The following ETV6 variants were observed in gnomAD, a reference collection of about 807,000 sequenced individuals.
The protein encoded by ETV6 is transcription factor ETV6.
In ETV6, 16 loss-of-function variants were observed where a neutral mutation model predicts 51.1. The observed-to-expected ratio is 0.31, with a 90% confidence interval of 0.21 to 0.48. ETV6 has a LOEUF of 0.48. Ranked by LOEUF, ETV6 falls within the 20% of genes least tolerant of loss-of-function variation. The pLI, the probability that ETV6 is intolerant of heterozygous loss-of-function variation, is 0.99. For missense variants in ETV6, 458 were observed against 594.8 expected, an observed-to-expected ratio of 0.77 and a Z score of 2.39; for synonymous variants, 240 against 224.1, an observed-to-expected ratio of 1.07 and a Z score of -0.64.
chr12:11,719,947 A>G (rs1309599712), intron 1 of ETV6, among the ~76,000 whole-genome samples: 1 of 152,172 alleles, frequency 6.6e-6, no homozygotes, highest in Non-Finnish European at 1.5e-5. Flanking sequence ...GCTCTGAGTC[A>G]TCCGGGAAGG....
chr12:11,889,835 T>C (rs892603886), intron 7 of ETV6, among the ~76,000 whole-genome samples: 1 of 151,938 alleles, frequency 6.6e-6, no homozygotes, highest in African/African-American at 2.4e-5. Context: ...TGAGAGAAAA[T>C]GTAAGCTCTA....
In ETV6 at chr12:11,703,442, A is replaced by T. The variant is rs148100957; in HGVS notation, c.34-49008A>T. On this transcript the variant is annotated intron_variant, in intron 1 of 7. Transcript: ENST00000396373. ...AAGGAAAGGTTAGAGAAATTTGGGGATTAAAATGGACAGACTTTATCATCT... is the reference window on the plus strand; with the variant it reads ...AAGGAAAGGTTAGAGAAATTTGGGGTTTAAAATGGACAGACTTTATCATCT... 3.1e-3 allele frequency among the ~76,000 whole-genome samples: 474 copies of T among 152,184 alleles called. 6 individuals carry two copies. The highest frequency in any genetic ancestry group is 0.011 in the African/African-American group (444 of 41,514).
chr12:11,781,733 T>G (rs1316599690), intron 2 of ETV6, among the ~76,000 whole-genome samples: 1 of 152,256 alleles, frequency 6.6e-6, no homozygotes, highest in Admixed American at 6.5e-5. Context: ...TGCCTTTACA[T>G]TTAACCCTAT....
rs150890149 is a variant in ETV6 at position 11,823,313 on chromosome 12, C to T, written c.164-15827C>T. Among the ~76,000 whole-genome samples, 490 of 152,218 alleles carry T rather than the reference C, an allele frequency of 3.2e-3. 3 individuals carry two copies. Among genetic ancestry groups the T allele is most frequent in the Admixed American group, 0.01 (156 of 15,296 alleles). On this transcript the variant is annotated intron_variant, in intron 2 of 7. Transcript: ENST00000396373. The stretch of plus-strand genomic sequence containing the variant: ...CCACGATCTAGGATTGCTAAGATGT[C>T]TGACAGGCTGAGTCACTCATACTTT...
chr12:11,732,071 C>G (rs1865610115), intron 1 of ETV6, among the ~76,000 whole-genome samples: 1 of 152,188 alleles, frequency 6.6e-6, no homozygotes, highest in African/African-American at 2.4e-5. Flanking sequence ...CAGTCCTTAC[C>G]TTAAATCTAG....
rs1308178870 is a variant in ETV6 at position 11,859,117 on chromosome 12, TG to T, written c.463+5558del. Among the ~76,000 whole-genome samples, 27 of 113,526 alleles carry T rather than the reference TG, an allele frequency of 2.4e-4. 12 individuals carry two copies. The highest frequency in any genetic ancestry group is 7.0e-4 in the Admixed American group (6 of 8,524). The allele number at this position is 113,526 out of a possible 152,430, so 74.5% of individuals were successfully genotyped here. A position where few individuals can be genotyped will look rare whatever the true frequency, so the allele number is the denominator to read the frequency against. On this transcript the variant is annotated intron_variant, in intron 4 of 7. Coordinates refer to ENST00000396373, the MANE Select transcript of ETV6 (RefSeq NM_001987.5). The stretch of plus-strand genomic sequence containing the variant: ...TTAAAGAAGATGAGGTATATGAATC[TG>T]GTTTTTTTTTTTTTTTTTTTTTTTT...
In ETV6 at chr12:11,892,846, A is replaced by C. The variant is rs1174099774; in HGVS notation, c.*1800A>C. The stretch of plus-strand genomic sequence containing the variant: ...GACAAGGACACCAACCTAGGGTGCA[A>C]ACAGATGGACTATGGTTCAAGGACA... On this transcript the variant is annotated 3_prime_UTR_variant, in exon 8 of 8. Transcript: ENST00000396373. The C allele has an allele frequency of 4.3e-6, 1 of 232,898 alleles. No homozygotes were observed. Among genetic ancestry groups the C allele is most frequent in the African/African-American group, 2.2e-5 (1 of 45,328 alleles). The allele number at this position is 232,898 out of a possible 1,614,324, so 14.4% of individuals were successfully genotyped here.
intron 1 of ETV6, among the ~76,000 whole-genome samples, chr12:11,694,822 G>A (rs147765440): frequency 7.4e-4 from 113 of 152,232 alleles, no homozygotes; most frequent in African/African-American, 2.3e-3. Flanking sequence ...TTCCCTCCCC[G>A]TGGAGATGCT....
chr12:11,872,305 C>T (rs939408031), intron 5 of ETV6, among the ~76,000 whole-genome samples: 2 of 152,242 alleles, frequency 1.3e-5, no homozygotes, highest in Middle Eastern at 3.4e-3. Context: ...GTGCTGCCCT[C>T]GTGGGCCTGG....
intron 2 of ETV6, among the ~76,000 whole-genome samples, chr12:11,822,589 C>T (rs994428152): frequency 6.6e-6 from 1 of 152,092 alleles, no homozygotes; most frequent in Non-Finnish European, 1.5e-5. Context: ...CACGGGCCTC[C>T]GGGTCTGTTA....
intron 5 of ETV6, among the ~76,000 whole-genome samples, chr12:11,883,291 T>C (rs1338223665): frequency 0.02 from 2,433 of 124,626 alleles, 117 homozygotes; most frequent in East Asian, 0.061. Flanking sequence ...TTTTTTTTTT[T>C]TTTTTTTTTT....
intron 1 of ETV6, among the ~76,000 whole-genome samples, chr12:11,697,716 G>T (rs1864904498): frequency 6.6e-6 from 1 of 152,332 alleles, no homozygotes; most frequent in Non-Finnish European, 1.5e-5. Flanking sequence ...ATCCATTTGT[G>T]AGAGGAGTAA....
At chr12:11,781,396 C>A (rs1945411997) in intron 2 of ETV6, among the ~76,000 whole-genome samples, 1 of 152,194 alleles carries the variant, frequency 6.6e-6, no homozygotes, top group Non-Finnish European at 1.5e-5. Flanking sequence ...ACCTCACTGT[C>A]ACTTTGCTCT....
chr12:11,726,264 G>C (rs188817349), intron 1 of ETV6, among the ~76,000 whole-genome samples: 3 of 152,194 alleles, frequency 2.0e-5, no homozygotes, highest in Non-Finnish European at 4.4e-5. Context: ...TGAAGGAAAA[G>C]AGGGGAGACC....
chr12:11,685,661 G>A (rs1477269926), intron 1 of ETV6, among the ~76,000 whole-genome samples: 2 of 152,186 alleles, frequency 1.3e-5, no homozygotes, highest in Non-Finnish European at 2.9e-5. Context: ...AGGAAGAAGA[G>A]AGGATGCATA....
At chr12:11,768,680 G>A (rs1053033111) in intron 2 of ETV6, among the ~76,000 whole-genome samples, 1 of 152,176 alleles carries the variant, frequency 6.6e-6, no homozygotes, top group Non-Finnish European at 1.5e-5. Flanking sequence ...ACTTTCCGTT[G>A]TGGAAAATAA....
chr12:11,879,365 A>C (rs1947050474), intron 5 of ETV6, among the ~76,000 whole-genome samples: 1 of 152,140 alleles, frequency 6.6e-6, no homozygotes, highest in Non-Finnish European at 1.5e-5. Flanking sequence ...TTCCTACTCA[A>C]AGTTTTTTAA....
intron 2 of ETV6, among the ~76,000 whole-genome samples, chr12:11,780,632 A>G (rs1755502110): frequency 6.6e-6 from 1 of 152,176 alleles, no homozygotes; most frequent in Non-Finnish European, 1.5e-5. Flanking sequence ...TCGTGAGACT[A>G]GCACCTCTGC....
chr12:11,668,120 C>T (rs889156577), intron 1 of ETV6, among the ~76,000 whole-genome samples: 6 of 152,276 alleles, frequency 3.9e-5, no homozygotes, highest in African/African-American at 7.2e-5. Context: ...AGGTGTGAAC[C>T]GCCACACCCA....
Sources: allele counts gnomAD v4.1 joint callset (sites outside exome capture counted in the v4.1 genomes callset), GRCh38; gene constraint gnomAD v4.1.1; transcripts MANE v1.5; gene names NCBI Gene and HGNC (gene_info 2026-07-23, HGNC 2026-07-21).